The following USH2A variants were observed in gnomAD, a reference collection of about 807,000 sequenced individuals.
USH2A encodes the protein Usher syndrome 2A (autosomal recessive, mild).
In USH2A, 443 loss-of-function variants were observed where a neutral mutation model predicts 538.9. The observed-to-expected ratio is 0.82, with a 90% CI of 0.76 to 0.89. The LOEUF is 0.89. Ranked by LOEUF, USH2A falls within the 40% of genes least tolerant of loss-of-function variation. The pLI is 0.00. For missense variants in USH2A, 6,633 were observed against 6,324.8 expected (o/e 1.05, Z -1.65); for synonymous variants, 2,413 against 2,273.5 (o/e 1.06, Z -1.75).
At chr1:216,125,324 TCTC>T (rs1356077792) in intron 21 of USH2A, among the ~76,000 whole-genome samples, 1 of 152,146 alleles carries the variant, frequency 6.6e-6, no homozygotes, top group African/African-American at 2.4e-5. Flanking sequence ...GACCCCTTCT[TCTC>T]CTATCAGTGA....
chr1:215,766,736 A>C lies in USH2A; in HGVS notation c.10992T>G (p.Ala3664=). ...YSFTLTACTS[A]GCTSSEPFLG... ...GAAAAGGCTCGCTTGAAGTGCACCC[A>C]GCAGATGTACAAGCTGTAAGAGTGA... The change falls in exon 56 of 72, where the codon GCT becomes GCG. Residue 3664 remains alanine (A), a synonymous_variant. Transcript: ENST00000307340. The C allele has an allele frequency of 6.2e-7, 1 of 1,613,736 alleles. No homozygotes were observed. The highest frequency in any genetic ancestry group is 8.5e-7 in the Non-Finnish European group (1 of 1,179,670).
intron 21 of USH2A, chr1:216,174,188 C>T (rs1003794489): frequency 2.3e-5 from 23 of 984,852 alleles, no homozygotes; most frequent in Admixed American, 1.2e-4. Flanking sequence ...TTTTATAGCT[C>T]GAATTCCATT....
At chr1:215,958,663 C>A (rs551062435) in intron 37 of USH2A, among the ~76,000 whole-genome samples, 1 of 152,058 alleles carries the variant, frequency 6.6e-6, no homozygotes, top group African/African-American at 2.4e-5. Context: ...AGGCACCCCA[C>A]TCCTTCCAGA....
intron 22 of USH2A, among the ~76,000 whole-genome samples, chr1:216,091,162 G>A (rs376026660): frequency 1.3e-5 from 2 of 152,152 alleles, no homozygotes; most frequent in African/African-American, 4.8e-5. Flanking sequence ...GAACAATTCT[G>A]TGATGACTTC....
intron 37 of USH2A, among the ~76,000 whole-genome samples, chr1:215,956,041 A>G (rs1327822228): frequency 6.6e-6 from 1 of 152,010 alleles, no homozygotes; most frequent in South Asian, 2.1e-4. Context: ...TTTTTTTTCT[A>G]TTTCTCTGTG....
chr1:216,145,167 T>C (rs995081155), intron 21 of USH2A, among the ~76,000 whole-genome samples: 4 of 152,174 alleles, frequency 2.6e-5, no homozygotes, highest in Non-Finnish European at 4.4e-5. Context: ...TCAATTAATT[T>C]TTATGTTATG....
At chr1:215,945,461 C>T (rs1030470701) in intron 37 of USH2A, among the ~76,000 whole-genome samples, 2 of 152,068 alleles carry the variant, frequency 1.3e-5, no homozygotes, top group Non-Finnish European at 2.9e-5. Context: ...TAATCATTTA[C>T]CTAATAGCAC....
chr1:216,285,770 G>T (rs1433992444), intron 11 of USH2A, among the ~76,000 whole-genome samples: 1 of 152,226 alleles, frequency 6.6e-6, no homozygotes, highest in Non-Finnish European at 1.5e-5. Context: ...GCTACCTCTT[G>T]CATCAGCATG....
chr1:216,338,235 A>C (rs1391970611), intron 4 of USH2A, among the ~76,000 whole-genome samples: 1 of 151,462 alleles, frequency 6.6e-6, no homozygotes, highest in East Asian at 1.9e-4. Flanking sequence ...AAGATATCAA[A>C]AGATAATCAA....
At chr1:216,375,475 T>G (rs758576438) in intron 3 of USH2A, among the ~76,000 whole-genome samples, 8 of 152,162 alleles carry the variant, frequency 5.3e-5, no homozygotes, top group Admixed American at 3.3e-4. Flanking sequence ...TTCCAACTTT[T>G]CTTTTGTAGC....
intron 52 of USH2A, among the ~76,000 whole-genome samples, chr1:215,786,302 T>C (rs1661797096): frequency 6.6e-6 from 1 of 152,232 alleles, no homozygotes; most frequent in African/African-American, 2.4e-5. Context: ...TCCTTCTTTC[T>C]GCTTAAGAGT....
intron 27 of USH2A, among the ~76,000 whole-genome samples, chr1:216,073,699 A>C (rs534657987): frequency 6.6e-6 from 1 of 152,344 alleles, no homozygotes; most frequent in East Asian, 1.9e-4. Flanking sequence ...AGTCAGTTTT[A>C]AGTGCCAAAA....
At chr1:216,235,301 T>C (rs938161107) in intron 13 of USH2A, among the ~76,000 whole-genome samples, 1 of 152,192 alleles carries the variant, frequency 6.6e-6, no homozygotes, top group Non-Finnish European at 1.5e-5. Context: ...ATCTGTAGCA[T>C]TGTAACTGAT....
At chr1:216,212,157 C>T (rs904833484) in intron 15 of USH2A, among the ~76,000 whole-genome samples, 4 of 152,144 alleles carry the variant, frequency 2.6e-5, no homozygotes, top group African/African-American at 9.7e-5. Flanking sequence ...ATTTGCATTA[C>T]ATGAAAATAT....
chr1:216,147,093 A>C (rs1346604397), intron 21 of USH2A, among the ~76,000 whole-genome samples: 9 of 152,044 alleles, frequency 5.9e-5, no homozygotes, highest in Admixed American at 2.6e-4. Flanking sequence ...AGTCTCTGTG[A>C]CCAGTTAAAC....
At position 215,790,148 on chromosome 1, in the gene USH2A, G is replaced by C. The variant is rs1661940699; in HGVS notation, c.10093C>G (p.Pro3365Ala). 7.4e-6 allele frequency: 12 copies of C among 1,613,550 alleles called. No individual in the cohort carries two copies. Among genetic ancestry groups the C allele is most frequent in the Non-Finnish European group, 1.0e-5 (12 of 1,179,954 alleles). ...CCATTACAGCATTTCTGGCTCTTTG[G>C]AATAAGTTCAGTCTCACAGCATTTT... is the stretch of plus-strand genomic sequence containing the variant. ...PVKCCETELI[P>A]KSQKCCNGVG... Residue 3365 changes from proline (P) to alanine (A), a missense_variant, in exon 51 of 72, where the codon CCA becomes GCA. Coordinates refer to ENST00000307340, the MANE Select transcript of USH2A (RefSeq NM_206933.4).
At chr1:215,853,086 G>C (rs1357596060) in intron 44 of USH2A, among the ~76,000 whole-genome samples, 1 of 152,206 alleles carries the variant, frequency 6.6e-6, no homozygotes, top group African/African-American at 2.4e-5. Context: ...CCCCAACATA[G>C]GTTTTCCATG....
At chr1:215,759,896 AT>A in intron 56 of USH2A, 53 bp from the exon 57 acceptor site, 1 of 1,607,176 alleles carries the variant, frequency 6.2e-7, no homozygotes, top group Non-Finnish European at 8.5e-7. Context: ...TAAACAGTGT[AT>A]CAAAAGTCAC....
rs776340575 is a variant in USH2A at position 215,965,482 on chromosome 1, G to A, written c.6958-3C>T. The stretch of plus-strand genomic sequence containing the variant: ...GCTTCTAGAGTTCGATTTTCCACCT[G>A]TGAGTATAAAAAGATTTATTTTTGT... On this transcript the variant is annotated splice_polypyrimidine_tract_variant and splice_region_variant and intron_variant, in intron 36 of 71. Coordinates refer to ENST00000307340, the MANE Select transcript of USH2A (RefSeq NM_206933.4). 6.8e-6 allele frequency: 11 copies of A among 1,613,326 alleles called. No homozygotes were observed. The highest frequency in any genetic ancestry group is 6.7e-5 in the Admixed American group (4 of 59,924).
Sources: allele counts gnomAD v4.1 joint callset (sites outside exome capture counted in the v4.1 genomes callset), GRCh38; gene constraint gnomAD v4.1.1; transcripts MANE v1.5; gene names NCBI Gene and HGNC (gene_info 2026-07-23, HGNC 2026-07-21).